REV1: variants seen among roughly 807,000 people sequenced by gnomAD.
REV1 encodes the protein REV1 DNA directed polymerase, also known as translesion synthesis protein REV1.
A neutral mutation model predicts 137.4 loss-of-function variants in REV1; 42 were observed. That is an observed-to-expected ratio of 0.31 (90% confidence interval 0.24 to 0.40). The LOEUF is 0.40. REV1 is among the 10% of genes least tolerant of loss of function. The pLI is 1.00. For synonymous variants in REV1, 524 were observed against 519.2 expected (o/e 1.01, Z -0.12); for missense variants, 1,282 against 1,490.1 (o/e 0.86, Z 2.30).
Position 99,438,939 on chromosome 2 carries a change from GGAT to G in REV1, c.872_874del (p.Asn291_Pro292delinsThr). 2 of 1,614,176 alleles carry G rather than the reference GGAT, an allele frequency of 1.2e-6. No individual in the cohort carries two copies. Among genetic ancestry groups the G allele is most frequent in the Non-Finnish European group, 1.7e-6 (2 of 1,180,018 alleles). ...TAATGAGAAAGAATTAGTTCTGTGTGGATTCCGCAAAGCATCTGTGTTTCTGGT... is the reference window on the plus strand; with the variant it reads ...TAATGAGAAAGAATTAGTTCTGTGTGTCCGCAAAGCATCTGTGTTTCTGGT... On this transcript the variant is annotated inframe_deletion, in exon 6 of 23. Coordinates refer to ENST00000258428, the MANE Select transcript of REV1 (RefSeq NM_016316.4).
rs768877273 is a variant in REV1 at position 99,410,852 on chromosome 2, C to T, written c.2188G>A (p.Ala730Thr). Reference protein sequence around the residue: ...IRFTQPKEAEAFLLSLSEEIQ... With the variant: ...IRFTQPKEAETFLLSLSEEIQ... ...TCTTCTGAAAGACTCAGAAGAAAAG[C>T]TTCTGCCTCTTTTGGCTATGGAAAG... The change falls in exon 14 of 23, where the codon GCT becomes ACT. Residue 730 changes from alanine (A) to threonine (T), a missense_variant. Ala to Thr is a moderately conservative substitution (Grantham distance 58, BLOSUM62 0). Transcript: ENST00000258428. 2 of 1,586,490 alleles carry T rather than the reference C, an allele frequency of 1.3e-6. No homozygotes were observed. Among genetic ancestry groups the T allele is most frequent in the Non-Finnish European group, 1.7e-6 (2 of 1,173,004 alleles).
rs1338251270 is a variant in REV1, at chr2:99,406,111, AAAAAG to A, written c.2615-10_2615-6del. The A allele has an allele frequency of 6.2e-6, 10 of 1,606,340 alleles. No individual in the cohort carries two copies. The African/African-American group carries it at 1.1e-4, about 17-fold the overall frequency. On this transcript the variant is annotated splice_polypyrimidine_tract_variant and splice_region_variant and intron_variant, in intron 16 of 22. Coordinates refer to ENST00000258428, the MANE Select transcript of REV1 (RefSeq NM_016316.4). ...GATCCACAGCAGCCCGAAATACTAC[AAAAAG>A]AAAATATATAAAATAGCCTCTTCAG...
chr2:99,438,950 A>C lies in REV1; in HGVS notation c.864T>G (p.Ala288=), dbSNP rs750078586. 3.1e-6 allele frequency: 5 copies of C among 1,614,108 alleles called. No individual in the cohort carries two copies. In the South Asian group the frequency reaches 5.5e-5, roughly 18 times the overall value. ...AATTAGTTCTGTGTGGATTCCGCAAAGCATCTGTGTTTCTGGTGCTTTGCT... is the reference window on the plus strand; with the variant it reads ...AATTAGTTCTGTGTGGATTCCGCAACGCATCTGTGTTTCTGGTGCTTTGCT... ...QLQQSTRNTD[A]LRNPHRTNSF... Residue 288 remains alanine, a synonymous_variant, in exon 6 of 23, where the codon GCT becomes GCG. Coordinates refer to ENST00000258428, the MANE Select transcript of REV1 (RefSeq NM_016316.4).
At position 99,471,542 on chromosome 2, in the gene REV1, G is replaced by GA. The variant is rs1415046022; in HGVS notation, c.-10-6558dup. On this transcript the variant is annotated intron_variant, in intron 1 of 22. Coordinates refer to ENST00000258428, the MANE Select transcript of REV1 (RefSeq NM_016316.4). ...ATGACTTTTTGGGGAAAATGTAACA[G>GA]AAAAAAACAGATAAACTGGACTACA... Among the ~76,000 whole-genome samples, 5 of 151,950 alleles carry GA rather than the reference G, an allele frequency of 3.3e-5. No homozygotes were observed. In the East Asian group the frequency reaches 5.8e-4, roughly 18 times the overall value.
chr2:99,481,024 G>A (rs1361546907), intron 1 of REV1, among the ~76,000 whole-genome samples: 1 of 152,108 alleles, frequency 6.6e-6, no homozygotes, highest in Admixed American at 6.5e-5. Flanking sequence ...TAAATAATAT[G>A]CAAAAGAATA....
chr2:99,459,989 G>A (rs1337324526), intron 3 of REV1, among the ~76,000 whole-genome samples: 1 of 152,190 alleles, frequency 6.6e-6, no homozygotes, highest in Non-Finnish European at 1.5e-5. Context: ...TCAACAAGAA[G>A]GGACACCACA....
At chr2:99,406,186 A>G in intron 16 of REV1, 80 bp from the exon 17 acceptor site, 2 of 1,396,056 alleles carry the variant, frequency 1.4e-6, no homozygotes, top group Non-Finnish European at 1.9e-6. Flanking sequence ...ACAAATAAAA[A>G]AACTTTATTA....
At chr2:99,485,926 A>T (rs1213330471) in intron 1 of REV1, among the ~76,000 whole-genome samples, 1 of 152,108 alleles carries the variant, frequency 6.6e-6, no homozygotes, top group African/African-American at 2.4e-5. Flanking sequence ...AGAGTTTGAG[A>T]CCAGCCTGGG....
intron 14 of REV1, among the ~76,000 whole-genome samples, chr2:99,408,638 A>T (rs1206136535): frequency 1.3e-5 from 2 of 152,184 alleles, no homozygotes; most frequent in Non-Finnish European, 2.9e-5. Flanking sequence ...CAATTCTTAG[A>T]TCTTTAAGAA....
At chr2:99,416,683 T>C (rs1677907513) in intron 12 of REV1, among the ~76,000 whole-genome samples, 1 of 151,804 alleles carries the variant, frequency 6.6e-6, no homozygotes. Flanking sequence ...TCCCAGCACT[T>C]TGGGAGGCCG....
At chr2:99,477,867 G>C (rs1014010705) in intron 1 of REV1, among the ~76,000 whole-genome samples, 1 of 152,148 alleles carries the variant, frequency 6.6e-6, no homozygotes, top group East Asian at 1.9e-4. Flanking sequence ...CTGAAACAAC[G>C]ACTAATGCTT....
rs909452666 is a variant in REV1 at position 99,416,930 on chromosome 2, A to G, written c.1951+1898T>C. On this transcript the variant is annotated intron_variant, in intron 12 of 22. Coordinates refer to ENST00000258428, the MANE Select transcript of REV1 (RefSeq NM_016316.4). ...TCCATCTCAAAAAAAAAAAAAAAAA[A>G]AAAGAAATAAAGTCTTTCCAGCCAG... Among the ~76,000 whole-genome samples the G allele has an allele frequency of 1.5e-4, 22 of 151,320 alleles. No individual in the cohort carries two copies. In the East Asian group the frequency reaches 3.5e-3, roughly 24 times the overall value.
intron 9 of REV1, 95 bp downstream of exon 9, chr2:99,429,745 T>C (rs1324957632): frequency 6.2e-6 from 4 of 643,840 alleles, no homozygotes; most frequent in Non-Finnish European, 9.1e-6. Context: ...TCTGTAACAT[T>C]TAAATCCACT....
chr2:99,401,245 G>GTAAC lies in REV1; in HGVS notation c.3748_3751dup (p.Thr1251SerfsTer13). 6.3e-7 allele frequency: 1 copy of GTAAC among 1,596,234 alleles called. No homozygotes were observed. Among genetic ancestry groups the GTAAC allele is most frequent in the Non-Finnish European group, 8.6e-7 (1 of 1,163,960 alleles). On this transcript the variant is annotated frameshift_variant, in exon 23 of 23. Transcript: ENST00000258428. LOFTEE classifies it high-confidence loss of function. ...CATCAGGCTCTCTGGTAATATTTAT[G>GTAAC]TAACTTTTAATGTGCTTCCATAAGT...
chr2:99,443,915 T>G (rs1193953096), intron 4 of REV1, among the ~76,000 whole-genome samples: 3 of 152,178 alleles, frequency 2.0e-5, no homozygotes, highest in African/African-American at 4.8e-5. Context: ...CGATCTCGGC[T>G]TCACGCCATT....
At chr2:99,460,647 C>A (rs550752266) in intron 3 of REV1, among the ~76,000 whole-genome samples, 1 of 151,718 alleles carries the variant, frequency 6.6e-6, no homozygotes, top group Non-Finnish European at 1.5e-5. Flanking sequence ...AAAGTATTCA[C>A]TAAAACTTAA....
At chr2:99,425,406 G>T (rs1679208611) in intron 9 of REV1, among the ~76,000 whole-genome samples, 1 of 152,192 alleles carries the variant, frequency 6.6e-6, no homozygotes, top group Non-Finnish European at 1.5e-5. Context: ...TGACAGAGTT[G>T]TAAAGAAAAC....
chr2:99,438,559 G>A lies in REV1; in HGVS notation c.1213+42C>T, dbSNP rs774783992. The A allele has an allele frequency of 3.4e-6, 5 of 1,450,990 alleles. No individual in the cohort carries two copies. The East Asian group carries it at 1.1e-4, about 33-fold the overall frequency. 89.9% of individuals were successfully genotyped at this position (1,450,990 alleles called of 1,614,324 possible). A position where few individuals can be genotyped will look rare whatever the true frequency, so the allele number is the denominator to read the frequency against. On this transcript the variant is annotated intron_variant, in intron 6 of 22. Coordinates refer to ENST00000258428, the MANE Select transcript of REV1 (RefSeq NM_016316.4). ...AATAGCATAAGAGCAAAATGATCAA[G>A]CATGACTGTTTCTTAAGAAGACAAT...
At chr2:99,460,566 A>C (rs2105092953) in intron 3 of REV1, among the ~76,000 whole-genome samples, 1 of 152,250 alleles carries the variant, frequency 6.6e-6, no homozygotes, top group East Asian at 1.9e-4. Context: ...AGCACCTCCT[A>C]CTTGTCTTAT....
Sources: allele counts gnomAD v4.1 joint callset (sites outside exome capture counted in the v4.1 genomes callset), GRCh38; gene constraint gnomAD v4.1.1; transcripts MANE v1.5; gene names NCBI Gene and HGNC (gene_info 2026-07-23, HGNC 2026-07-21).